CENPF: variants seen among roughly 807,000 people sequenced by gnomAD.
The protein encoded by CENPF is centromere protein F, also known as AH antigen.
Under a neutral mutation model 307.3 loss-of-function variants are expected in CENPF, and 214 were observed. The ratio of observed to expected loss-of-function variants is 0.70; its 90% CI spans 0.62 to 0.78. CENPF has a LOEUF of 0.78. CENPF is among the 30% of genes least tolerant of loss of function. The pLI is 0.00. For missense variants in CENPF, 3,401 were observed against 3,483.9 expected (o/e 0.98, Z 0.60); for synonymous variants, 1,259 against 1,270.6 (o/e 0.99, Z 0.19).
intron 1 of CENPF, among the ~76,000 whole-genome samples, chr1:214,609,593 C>A (rs1657146590): frequency 6.6e-6 from 1 of 152,062 alleles, no homozygotes; most frequent in Non-Finnish European, 1.5e-5. Context: ...TTTTTCTTAG[C>A]TTTTATTTTT....
rs762196681 is a variant in CENPF, at chr1:214,630,541, C to T, written c.1202C>T (p.Ser401Phe). The T allele has an allele frequency of 3.1e-6, 5 of 1,614,100 alleles. No individual in the cohort carries two copies. In the South Asian group the frequency reaches 5.5e-5, roughly 18 times the overall value. The change falls in exon 9 of 20, where the codon TCC (serine) becomes TTC (phenylalanine). Residue 401 changes from serine (S) to phenylalanine (F), a missense_variant. Transcript: ENST00000366955. The part of the protein sequence containing the change: ...EKEKEFQEEL[S>F]RQQRSFQTLD... ...CTGCCCTTTGTTTTTCAGGAGCTCT[C>T]CCGTCAACAGCGTTCTTTCCAAACA...
intron 7 of CENPF, among the ~76,000 whole-genome samples, chr1:214,628,522 C>A (rs1019530984): frequency 6.6e-6 from 1 of 152,200 alleles, no homozygotes; most frequent in African/African-American, 2.4e-5. Flanking sequence ...TGGCTCACTG[C>A]AACCCCTGCC....
At position 214,650,916 on chromosome 1, in the gene CENPF, C is replaced by A. The variant is rs1000684220; in HGVS notation, c.7984-794C>A. 3.3e-5 allele frequency among the ~76,000 whole-genome samples: 5 copies of A among 152,040 alleles called. No individual in the cohort carries two copies. The East Asian group carries it at 7.7e-4, about 23-fold the overall frequency. On this transcript the variant is annotated intron_variant, in intron 14 of 19. Transcript: ENST00000366955. ...AACTAAGCCAAACCAACCAACCAAC[C>A]AAACAACAACAGCAACAACAATAAT...
intron 12 of CENPF, among the ~76,000 whole-genome samples, chr1:214,643,702 ATC>A (rs1658200651): frequency 1.3e-5 from 2 of 152,088 alleles, no homozygotes; most frequent in South Asian, 2.1e-4. Context: ...TAAATTTTTA[ATC>A]TCTCCCACTT....
At position 214,659,135 on chromosome 1, in the gene CENPF, G is replaced by A. The variant is rs188692378; in HGVS notation, c.9141+107G>A. 2 of 1,184,904 alleles carry A rather than the reference G, an allele frequency of 1.7e-6. No homozygotes were observed. Among genetic ancestry groups the A allele is most frequent in the Admixed American group, 4.2e-5 (2 of 47,806 alleles). 73.4% of individuals were successfully genotyped at this position (1,184,904 alleles called of 1,614,324 possible). A position where few individuals can be genotyped will look rare whatever the true frequency, so the allele number is the denominator to read the frequency against. ...CCCGATTCAGGAGCGCTTTCAAAAAGTCTGACCTTCTTGGTGTGGTGTAAG... is the reference window on the plus strand; with the variant it reads ...CCCGATTCAGGAGCGCTTTCAAAAAATCTGACCTTCTTGGTGTGGTGTAAG... On this transcript the variant is annotated intron_variant, in intron 19 of 19. Transcript: ENST00000366955. The surrounding 1 kb of genome is among the most constrained non-coding windows in gnomAD (Gnocchi z 4.4).
Position 214,642,597 on chromosome 1 carries a change from T to C in CENPF, c.4259T>C (p.Ile1420Thr), listed in dbSNP as rs757935416. ...TTATCTTTACAAAGTGAACACAAAA[T>C]TTTACATGATCAGCACTGTCAGATG... ...KFLSLQSEHK[I>T]LHDQHCQMSS... The change falls in exon 12 of 20, where the codon ATT (isoleucine) becomes ACT (threonine). Residue 1420 changes from isoleucine (I) to threonine (T), a missense_variant. Ile to Thr is a moderately conservative substitution (Grantham distance 89). Transcript: ENST00000366955. 2.5e-6 allele frequency: 4 copies of C among 1,608,806 alleles called. No homozygotes were observed. Among genetic ancestry groups the C allele is most frequent in the African/African-American group, 2.7e-5 (2 of 74,638 alleles).
chr1:214,632,956 T>G (rs1657849400), intron 10 of CENPF, among the ~76,000 whole-genome samples: 1 of 152,222 alleles, frequency 6.6e-6, no homozygotes, highest in South Asian at 2.1e-4. Flanking sequence ...AAGGGATTTT[T>G]TAAATGGAAA....
intron 13 of CENPF, 94 bp from the exon 14 acceptor site, chr1:214,648,581 T>TA: frequency 7.1e-7 from 1 of 1,403,362 alleles, no homozygotes; most frequent in African/African-American, 1.4e-5. Context: ...GATTGAAGGC[T>TA]AAAATAAATG....
rs1388842883 is a variant in CENPF at position 214,640,421 on chromosome 1, A to G, written c.2083A>G (p.Thr695Ala). The G allele has an allele frequency of 6.2e-7, 1 of 1,614,016 alleles. No individual in the cohort carries two copies. Residue 695 changes from threonine to alanine, a missense_variant, in exon 12 of 20, where the codon ACC becomes GCC. Physicochemically the swap from Thr to Ala is moderately conservative, Grantham distance 58. Transcript: ENST00000366955. ...AGACAGTAAGTCAGTGGAGGTAGAGACCCAGAAACTAGCTTATATGGAGCT... is the reference window on the plus strand; with the variant it reads ...AGACAGTAAGTCAGTGGAGGTAGAGGCCCAGAAACTAGCTTATATGGAGCT... ...VLDSKSVEVETQKLAYMELQQ... is the reference protein window; with the variant it reads ...VLDSKSVEVEAQKLAYMELQQ...
rs1558182675 is a variant in CENPF, at chr1:214,641,093, A to G, written c.2755A>G (p.Lys919Glu). Residue 919 changes from lysine (K) to glutamate (E), a missense_variant, in exon 12 of 20, where the codon AAG becomes GAG. Lys to Glu is a moderately conservative substitution (Grantham distance 56, BLOSUM62 1). Transcript: ENST00000366955. ...KEKELQLLND[K>E]VETEQAEIQE... The stretch of plus-strand genomic sequence containing the variant: ...AAAAGAGCTGCAACTTTTAAATGAT[A>G]AGGTAGAAACTGAGCAGGCAGAGAT... 1.3e-6 allele frequency: 2 copies of G among 1,571,370 alleles called. No individual in the cohort carries two copies. Among genetic ancestry groups the G allele is most frequent in the Non-Finnish European group, 1.7e-6 (2 of 1,167,742 alleles).
chr1:214,658,956 C>G lies in CENPF; in HGVS notation c.9069C>G (p.Ser3023=). The G allele has an allele frequency of 2.5e-6, 4 of 1,614,030 alleles. No individual in the cohort carries two copies. The highest frequency in any genetic ancestry group is 3.4e-6 in the Non-Finnish European group (4 of 1,179,976). Reference sequence around the variant, plus strand: ...TGGCTGCACAGAAGTTAGCGCTATCCCCACTGAGTCTCGGCAAAGAAAATC... The same window carrying G: ...TGGCTGCACAGAAGTTAGCGCTATCGCCACTGAGTCTCGGCAAAGAAAATC... ...PRLAAQKLAL[S]PLSLGKENLA... Residue 3023 remains serine, a synonymous_variant, in exon 19 of 20, where the codon TCC becomes TCG. Coordinates refer to ENST00000366955, the MANE Select transcript of CENPF (RefSeq NM_016343.4).
chr1:214,642,519 C>T lies in CENPF; in HGVS notation c.4181C>T (p.Thr1394Ile), dbSNP rs1345923062. Residue 1394 changes from threonine (T) to isoleucine (I), a missense_variant, in exon 12 of 20, where the codon ACA (threonine) becomes ATA (isoleucine). By Grantham distance (89) the Thr-to-Ile change is moderately conservative. Coordinates refer to ENST00000366955, the MANE Select transcript of CENPF (RefSeq NM_016343.4). ...LDESNSYEHL[T>I]LSDKEVQMHF... is the part of the protein sequence containing the mutation. Reference sequence around the variant, plus strand: ...GAGAGTAATTCCTACGAGCACTTGACATTGTCAGACAAAGAAGTTCAAATG... The same window carrying T: ...GAGAGTAATTCCTACGAGCACTTGATATTGTCAGACAAAGAAGTTCAAATG... 2 of 1,612,258 alleles carry T rather than the reference C, an allele frequency of 1.2e-6. No individual in the cohort carries two copies. Among genetic ancestry groups the T allele is most frequent in the East Asian group, 4.5e-5 (2 of 44,854 alleles).
At position 214,614,850 on chromosome 1, in the gene CENPF, G is replaced by T; in HGVS notation, c.181G>T (p.Glu61Ter). The T allele has an allele frequency of 6.3e-7, 1 of 1,577,558 alleles. No homozygotes were observed. Among genetic ancestry groups the T allele is most frequent in the South Asian group, 1.2e-5 (1 of 84,008 alleles). The change falls in exon 3 of 20, where the codon GAG becomes TAG. Residue 61 changes from glutamate (E) to a stop codon, truncating the protein, a stop_gained. Transcript: ENST00000366955. LOFTEE classifies it high-confidence loss of function. ...QKQKVENEKT[E>*]GTNLKRENQR... ...TCATTAGGTTGAAAATGAAAAAACC[G>T]AGGGTACAAACCTGAAAAGGGAGAA...
chr1:214,647,480 G>T (rs978111208), intron 13 of CENPF, 80 bp downstream of exon 13: 1 of 1,434,472 alleles, frequency 7.0e-7, no homozygotes, highest in South Asian at 1.5e-5. Flanking sequence ...ACTGTGAATT[G>T]TATTTACTTC....
At chr1:214,608,892 G>A (rs1470466274) in intron 1 of CENPF, 28 of 1,390,910 alleles carry the variant, frequency 2.0e-5, no homozygotes, top group Admixed American at 6.9e-5. Flanking sequence ...CAACAACGCC[G>A]CCCGGCCTGG....
chr1:214,606,026 A>C, intron 1 of CENPF: 1 of 1,596,256 alleles, frequency 6.3e-7, no homozygotes, highest in Non-Finnish European at 8.5e-7. Context: ...CACGGTGGGC[A>C]CCGTGCCGAT....
intron 11 of CENPF, 62 bp from the exon 12 acceptor site, chr1:214,639,859 A>T: frequency 2.6e-6 from 3 of 1,165,730 alleles, no homozygotes; most frequent in Non-Finnish European, 2.3e-6. Flanking sequence ...GGGAGGGGTT[A>T]GCGTTTCTGT....
At chr1:214,618,488 A>T in intron 3 of CENPF, 85 bp from the exon 4 acceptor site, 2 of 1,472,054 alleles carry the variant, frequency 1.4e-6, no homozygotes, top group East Asian at 2.3e-5. Flanking sequence ...TTGTAAGTTT[A>T]TTACTCTCTG....
intron 6 of CENPF, among the ~76,000 whole-genome samples, chr1:214,621,177 A>T (rs1378826757): frequency 1.3e-5 from 2 of 152,202 alleles, no homozygotes; most frequent in African/African-American, 4.8e-5. Context: ...GGAAGCCTCT[A>T]AAGTACGTTG....
Sources: gnomAD v4.1 joint callset for allele counts (sites outside exome capture counted in the v4.1 genomes callset) on GRCh38, gnomAD v4.1.1 for gene constraint, Gnocchi (gnomAD v3.1) non-coding constraint, MANE v1.5 for transcripts, NCBI Gene and HGNC (gene_info 2026-07-23, HGNC 2026-07-21) for gene names.